CCSER1: variants seen among roughly 807,000 people sequenced by gnomAD.
The protein encoded by CCSER1 is coiled-coil serine rich protein 1.
A neutral mutation model predicts 82.0 loss-of-function variants in CCSER1; 41 were observed. That is an observed-to-expected ratio of 0.50 (90% CI 0.39 to 0.65). The LOEUF is 0.65. Among genes scored for constraint, CCSER1 ranks in the 30% least tolerant of loss-of-function variants. CCSER1 has a pLI of 0.00. For synonymous variants in CCSER1, 414 were observed against 383.9 expected (o/e 1.08, Z -0.92); for missense variants, 1,119 against 1,064.2 (o/e 1.05, Z -0.72).
chr4:91,464,285 T>C (rs1416961818), intron 10 of CCSER1, among the ~76,000 whole-genome samples: 1 of 152,086 alleles, frequency 6.6e-6, no homozygotes, highest in African/African-American at 2.4e-5. Flanking sequence ...GTAAAATCCT[T>C]TACAGACAAG....
rs1305336895 is a variant in CCSER1 at position 91,454,120 on chromosome 4, TG to T, written c.2218-144450del. ...GAACTATTTTTAATAGTGTTTGCAT[TG>T]GTTTTCTATGGCTGTTGTAAAACAT... is the stretch of plus-strand genomic sequence containing the variant. On this transcript the variant is annotated intron_variant, in intron 10 of 10. Transcript: ENST00000509176. Among the ~76,000 whole-genome samples, 3 of 152,274 alleles carry T rather than the reference TG, an allele frequency of 2.0e-5. No individual in the cohort carries two copies. In the East Asian group the frequency reaches 5.8e-4, roughly 29 times the overall value.
intron 7 of CCSER1, among the ~76,000 whole-genome samples, chr4:90,789,335 A>G (rs1754930900): frequency 6.6e-6 from 1 of 151,842 alleles, no homozygotes; most frequent in South Asian, 2.1e-4. Flanking sequence ...TGACACCCTA[A>G]TTTATTTTTT....
chr4:91,075,750 G>A (rs1409286514), intron 9 of CCSER1, among the ~76,000 whole-genome samples: 1 of 152,110 alleles, frequency 6.6e-6, no homozygotes, highest in East Asian at 1.9e-4. Context: ...AAATAAAGGT[G>A]TTTGGGTTAT....
At chr4:90,331,847 T>G (rs1486419661) in intron 3 of CCSER1, among the ~76,000 whole-genome samples, 1 of 152,006 alleles carries the variant, frequency 6.6e-6, no homozygotes, top group African/African-American at 2.4e-5. Flanking sequence ...CTTTGAAAGG[T>G]TGTATTATAC....
intron 10 of CCSER1, among the ~76,000 whole-genome samples, chr4:91,288,545 T>C (rs1743497092): frequency 6.6e-6 from 1 of 152,016 alleles, no homozygotes; most frequent in Non-Finnish European, 1.5e-5. Flanking sequence ...TAGACCTCAC[T>C]GAATGCTCAC....
At chr4:91,262,335 T>C (rs1741254900) in intron 10 of CCSER1, among the ~76,000 whole-genome samples, 2 of 152,100 alleles carry the variant, frequency 1.3e-5, no homozygotes, top group Non-Finnish European at 1.5e-5. Flanking sequence ...GTAACTATCA[T>C]TATTATTGAA....
intron 9 of CCSER1, among the ~76,000 whole-genome samples, chr4:90,937,778 A>G (rs1210577918): frequency 6.6e-6 from 1 of 152,104 alleles, no homozygotes; most frequent in Non-Finnish European, 1.5e-5. Flanking sequence ...CCAAGCTCCA[A>G]TTTCATATCC....
In CCSER1 at chr4:91,465,731, A is replaced by G. The variant is rs970995742; in HGVS notation, c.2218-132841A>G. ...CAGAGAATACTATAAACACCTCTAT[A>G]CAAATAAACTAGAAAATCTGGAAGA... On this transcript the variant is annotated intron_variant, in intron 10 of 10. Coordinates refer to ENST00000509176, the MANE Select transcript of CCSER1 (RefSeq NM_001145065.2). Among the ~76,000 whole-genome samples, 6 of 152,160 alleles carry G rather than the reference A, an allele frequency of 3.9e-5. 1 individual carries two copies. The highest frequency in any genetic ancestry group is 1.3e-4 in the Admixed American group (2 of 15,266).
chr4:90,508,727 A>T (rs912709657), intron 5 of CCSER1, among the ~76,000 whole-genome samples: 2 of 152,190 alleles, frequency 1.3e-5, no homozygotes, highest in African/African-American at 4.8e-5. Flanking sequence ...TTGAAGTTTC[A>T]TTACTGGTAA....
chr4:90,691,310 A>G lies in CCSER1; in HGVS notation c.1933-32604A>G, dbSNP rs540746788. Among the ~76,000 whole-genome samples, 286 of 152,096 alleles carry G rather than the reference A, an allele frequency of 1.9e-3. 1 individual carries two copies. Among genetic ancestry groups the G allele is most frequent in the Non-Finnish European group, 3.3e-3 (225 of 67,942 alleles). On this transcript the variant is annotated intron_variant, in intron 6 of 10. Coordinates refer to ENST00000509176, the MANE Select transcript of CCSER1 (RefSeq NM_001145065.2). ...GATACATATGGATTCTAGAGTTTAA[A>G]TAGTCTTGATTATTTTATTCCTAAA...
At chr4:91,461,570 G>A (rs183337935) in intron 10 of CCSER1, among the ~76,000 whole-genome samples, 2 of 152,072 alleles carry the variant, frequency 1.3e-5, no homozygotes, top group Non-Finnish European at 1.5e-5. Context: ...TGGTATTAAG[G>A]TTCCTGACCA....
chr4:91,536,733 G>A (rs544117336), intron 10 of CCSER1, among the ~76,000 whole-genome samples: 10 of 151,922 alleles, frequency 6.6e-5, no homozygotes, highest in East Asian at 1.9e-4. Context: ...TAACCCTCTC[G>A]CTCACTTCTC....
intron 10 of CCSER1, among the ~76,000 whole-genome samples, chr4:91,088,140 T>C (rs1267394777): frequency 6.6e-6 from 1 of 152,126 alleles, no homozygotes; most frequent in Non-Finnish European, 1.5e-5. Context: ...TGTGAGGGTT[T>C]AGAAAACTCT....
intron 7 of CCSER1, among the ~76,000 whole-genome samples, chr4:90,808,846 C>G (rs1184533948): frequency 6.6e-6 from 1 of 152,116 alleles, no homozygotes; most frequent in East Asian, 1.9e-4. Flanking sequence ...TCTCAAAGAA[C>G]TAAAAGTACC....
Position 90,604,665 on chromosome 4 carries a change from C to T in CCSER1, c.1725-23360C>T, listed in dbSNP as rs1435585291. Among the ~76,000 whole-genome samples the T allele has an allele frequency of 3.3e-5, 5 of 152,186 alleles. No homozygotes were observed. The East Asian group carries it at 9.6e-4, about 29-fold the overall frequency. On this transcript the variant is annotated intron_variant, in intron 5 of 10. Coordinates refer to ENST00000509176, the MANE Select transcript of CCSER1 (RefSeq NM_001145065.2). Reference sequence around the variant, plus strand: ...GTGGGGTCTTGGAGAACTTTTATGTCTAGCTAAAGGTTTGTAAATGCACCA... The same window carrying T: ...GTGGGGTCTTGGAGAACTTTTATGTTTAGCTAAAGGTTTGTAAATGCACCA...
intron 10 of CCSER1, among the ~76,000 whole-genome samples, chr4:91,405,600 G>T (rs551121189): frequency 6.6e-6 from 1 of 152,124 alleles, no homozygotes; most frequent in African/African-American, 2.4e-5. Flanking sequence ...CCCCTGCCTC[G>T]GGGCTGCCTT....
At chr4:91,597,028 A>T (rs1764613804) in intron 10 of CCSER1, among the ~76,000 whole-genome samples, 1 of 152,032 alleles carries the variant, frequency 6.6e-6, no homozygotes, top group Non-Finnish European at 1.5e-5. Flanking sequence ...AATAATAATC[A>T]TTTTGAGGCA....
At chr4:90,891,253 G>C (rs1722925541) in intron 8 of CCSER1, among the ~76,000 whole-genome samples, 1 of 151,594 alleles carries the variant, frequency 6.6e-6, no homozygotes, top group South Asian at 2.1e-4. Context: ...AGTATACTAA[G>C]AGTAAGGTTT....
At chr4:91,019,848 G>A (rs1187414844) in intron 9 of CCSER1, among the ~76,000 whole-genome samples, 1 of 152,112 alleles carries the variant, frequency 6.6e-6, no homozygotes, top group Non-Finnish European at 1.5e-5. Context: ...AAGTAAATAA[G>A]TAAATCTTTG....
Sources: gnomAD v4.1 joint callset for allele counts (sites outside exome capture counted in the v4.1 genomes callset) on GRCh38, gnomAD v4.1.1 for gene constraint, MANE v1.5 for transcripts, NCBI Gene and HGNC (gene_info 2026-07-23, HGNC 2026-07-21) for gene names.